TENM2: variants seen among roughly 807,000 people sequenced by gnomAD.
The protein encoded by TENM2 is teneurin-2.
Under a neutral mutation model 245.2 loss-of-function variants are expected in TENM2, and 52 were observed. The ratio of observed to expected loss-of-function variants is 0.21; its 90% CI spans 0.17 to 0.27. The LOEUF (loss-of-function observed/expected upper bound fraction) is 0.27, where lower values mean the gene tolerates loss of function less well. Among genes scored for constraint, TENM2 ranks in the 10% least tolerant of loss-of-function variants. The pLI is 1.00. For synonymous variants in TENM2, 1,363 were observed against 1,438.9 expected (o/e 0.95, Z 1.19); for missense variants, 3,046 against 3,666.8 (o/e 0.83, Z 4.37).
Position 168,217,978 on chromosome 5 carries a change from A to T in TENM2, c.4234-147A>T, listed in dbSNP as rs116134484. ...CACCCACTCATCATGGGCAATGAGC[A>T]GCTGGTTCAATGAAGAGCATTTCTA... On this transcript the variant is annotated intron_variant, in intron 22 of 28. Coordinates refer to ENST00000518659, the Ensembl canonical transcript of TENM2. 977 of 754,534 alleles carry T rather than the reference A, an allele frequency of 1.3e-3. 8 individuals carry two copies. In the African/African-American group the frequency reaches 0.015, roughly 12 times the overall value. The allele number at this position is 754,534 out of a possible 1,614,324, so 46.7% of individuals were successfully genotyped here.
At position 168,160,280 on chromosome 5, in the gene TENM2, A is replaced by G. The variant is rs764955745; in HGVS notation, c.2423-2331A>G. On this transcript the variant is annotated intron_variant, in intron 12 of 28. Coordinates refer to ENST00000518659, the Ensembl canonical transcript of TENM2. ...GAAATGTTTGTGGCATTTCTCTGCAACTGGGGACGGCTTTCCCTCCACACA... is the reference window on the plus strand; with the variant it reads ...GAAATGTTTGTGGCATTTCTCTGCAGCTGGGGACGGCTTTCCCTCCACACA... 2.0e-5 allele frequency among the ~76,000 whole-genome samples: 3 copies of G among 152,182 alleles called. No individual in the cohort carries two copies. The East Asian group carries it at 5.8e-4, about 29-fold the overall frequency.
rs78924591 is a variant in TENM2, at chr5:167,518,995, C to T, written c.502+143522C>T. Among the ~76,000 whole-genome samples, 38 of 152,152 alleles carry T rather than the reference C, an allele frequency of 2.5e-4. No individual in the cohort carries two copies. In the East Asian group the frequency reaches 6.2e-3, roughly 25 times the overall value. ...CTTACTTCTTGTAAGTTTTATGCAG[C>T]GATGTTCCTGTAGAGAGAGCATGAA... On this transcript the variant is annotated intron_variant, in intron 2 of 28. Coordinates refer to ENST00000518659, the Ensembl canonical transcript of TENM2.
chr5:168,233,359 G>T (rs1765120612), intron 25 of TENM2, among the ~76,000 whole-genome samples: 1 of 152,152 alleles, frequency 6.6e-6, no homozygotes, highest in Admixed American at 6.6e-5. Context: ...CATGGCATCT[G>T]TGAGCTCCAT....
chr5:168,082,490 G>A (rs749456852), intron 7 of TENM2, among the ~76,000 whole-genome samples: 9 of 152,200 alleles, frequency 5.9e-5, no homozygotes, highest in Non-Finnish European at 1.2e-4. Flanking sequence ...AAGGAGCTGC[G>A]TTCCTTTGGA....
chr5:168,126,202 C>A (rs1009386156), intron 11 of TENM2, among the ~76,000 whole-genome samples: 1 of 152,172 alleles, frequency 6.6e-6, no homozygotes, highest in African/African-American at 2.4e-5. Flanking sequence ...GGGGTATCTG[C>A]AGTCATCATG....
the TENM2 span, among the ~76,000 whole-genome samples, chr5:167,276,736 CT>C: frequency 6.6e-6 from 1 of 151,976 alleles, no homozygotes; most frequent in African/African-American, 2.4e-5. Context: ...CTTATAATAC[CT>C]AACACAATGT....
chr5:167,583,266 G>A (rs941167038), intron 2 of TENM2, among the ~76,000 whole-genome samples: 2 of 152,038 alleles, frequency 1.3e-5, no homozygotes, highest in Non-Finnish European at 2.9e-5. Flanking sequence ...CATTAATATC[G>A]CTCACACTTG....
chr5:167,445,231 T>C (rs2127465004), intron 2 of TENM2, among the ~76,000 whole-genome samples: 1 of 151,230 alleles, frequency 6.6e-6, no homozygotes, highest in East Asian at 2.0e-4. Flanking sequence ...GCATTCATCA[T>C]CAGAGATAAG....
At chr5:168,027,922 T>C (rs1409081497) in intron 5 of TENM2, among the ~76,000 whole-genome samples, 1 of 152,214 alleles carries the variant, frequency 6.6e-6, no homozygotes, top group Non-Finnish European at 1.5e-5. Flanking sequence ...CGTCCACCTA[T>C]TGCTTTGTGT....
chr5:167,908,358 C>CCCCCTCTTCTCCTCT (rs1269311789), intron 3 of TENM2, among the ~76,000 whole-genome samples: 1 of 109,162 alleles, frequency 9.2e-6, no homozygotes, highest in African/African-American at 3.5e-5. Context: ...TCCTCCCCTC[C>CCCCCTCTTCTCCTCT]CCCCTCTTCT....
chr5:167,503,217 A>G (rs866478374), intron 2 of TENM2, among the ~76,000 whole-genome samples: 3 of 152,226 alleles, frequency 2.0e-5, no homozygotes, highest in Admixed American at 6.5e-5. Flanking sequence ...ATAATTCACT[A>G]TCCCACAATG....
the TENM2 span, among the ~76,000 whole-genome samples, chr5:167,086,275 G>C: frequency 1.2e-4 from 18 of 152,240 alleles, no homozygotes; most frequent in African/African-American, 4.3e-4. Context: ...TCATCAGCAA[G>C]TCCTTTCCAT....
chr5:168,227,932 T>A, exon 25 of TENM2: 1 of 1,612,658 alleles, frequency 6.2e-7, no homozygotes, highest in Non-Finnish European at 8.5e-7. Context: ...GTAATAATGG[T>A]ACCCTGAGGG....
intron 14 of TENM2, among the ~76,000 whole-genome samples, chr5:168,193,611 C>T (rs1013560189): frequency 6.6e-6 from 1 of 152,180 alleles, no homozygotes; most frequent in African/African-American, 2.4e-5. Context: ...CACTGCAAAG[C>T]CTTCTGCTAC....
intron 2 of TENM2, among the ~76,000 whole-genome samples, chr5:167,664,961 G>A (rs1381132229): frequency 1.3e-5 from 2 of 152,164 alleles, no homozygotes; most frequent in African/African-American, 2.4e-5. Flanking sequence ...GTCAGGACAT[G>A]GGCTAAATAA....
chr5:167,497,608 C>A (rs1251221796), intron 2 of TENM2, among the ~76,000 whole-genome samples: 1 of 151,976 alleles, frequency 6.6e-6, no homozygotes, highest in Non-Finnish European at 1.5e-5. Context: ...ATTCTGTTAC[C>A]TAAAGACCCC....
At chr5:167,354,895 C>T (rs1452249834) in intron 1 of TENM2, among the ~76,000 whole-genome samples, 2 of 152,272 alleles carry the variant, frequency 1.3e-5, no homozygotes, top group South Asian at 2.1e-4. Flanking sequence ...TCAAAAGAAT[C>T]GGAAGCCTCA....
intron 2 of TENM2, among the ~76,000 whole-genome samples, chr5:167,637,344 A>G (rs540194714): frequency 4.6e-5 from 7 of 152,336 alleles, no homozygotes; most frequent in African/African-American, 1.7e-4. Flanking sequence ...TAGGATTTCA[A>G]TTCAAGTAAG....
chr5:167,891,172 A>G (rs1161997581), intron 3 of TENM2, among the ~76,000 whole-genome samples: 1 of 152,254 alleles, frequency 6.6e-6, no homozygotes, highest in Non-Finnish European at 1.5e-5. Context: ...ATAGATAGAT[A>G]GGTACCTCTA....
Sources: gnomAD v4.1 joint callset for allele counts (sites outside exome capture counted in the v4.1 genomes callset) on GRCh38, gnomAD v4.1.1 for gene constraint, MANE v1.5 for transcripts, NCBI Gene and HGNC (gene_info 2026-07-23, HGNC 2026-07-21) for gene names.